DPP6: variants seen among roughly 807,000 people sequenced by gnomAD.
The protein encoded by DPP6 is A-type potassium channel modulatory protein DPP6.
In DPP6, 69 loss-of-function variants were observed where a neutral mutation model predicts 122.6. The observed-to-expected ratio is 0.56, with a 90% CI of 0.46 to 0.69. The LOEUF is 0.69. DPP6 is among the 30% of genes least tolerant of loss of function. DPP6 has a pLI of 0.00. For synonymous variants in DPP6, 418 were observed against 433.1 expected (o/e 0.97, Z 0.43); for missense variants, 928 against 1,116.9 (o/e 0.83, Z 2.41).
intron 1 of DPP6, among the ~76,000 whole-genome samples, chr7:154,115,476 G>T (rs533843558): frequency 6.6e-6 from 1 of 152,296 alleles, no homozygotes; most frequent in East Asian, 1.9e-4. Context: ...TCAGAGATTT[G>T]CTCTGAGGTG....
exon 1 of DPP6, chr7:153,887,430 C>T: frequency 2.3e-6 from 1 of 438,802 alleles, no homozygotes; most frequent in Non-Finnish European, 4.1e-6. Context: ...ACCCACCCTC[C>T]ATCCAGGCTT....
At chr7:153,887,417 A>G in exon 1 of DPP6, 1 of 391,160 alleles carries the variant, frequency 2.6e-6, no homozygotes, top group East Asian at 4.1e-5. Context: ...TGTTTAAAGC[A>G]ACACCCACCC....
intron 1 of DPP6, among the ~76,000 whole-genome samples, chr7:154,329,173 T>C (rs564159676): frequency 3.0e-4 from 45 of 152,340 alleles, no homozygotes; most frequent in African/African-American, 9.6e-4. Context: ...AAAGCTCCGG[T>C]GTACACATTT....
At chr7:154,834,482 AAAACAAAAAC>A (rs375083948) in intron 16 of DPP6, among the ~76,000 whole-genome samples, 3,315 of 12,958 alleles carry the variant, frequency 0.26, 109 homozygotes, top group African/African-American at 0.35. Flanking sequence ...ATCTCAAAGA[AAAACAAAAAC>A]AAAAACAAAA....
intron 1 of DPP6, among the ~76,000 whole-genome samples, chr7:153,974,587 G>A (rs983021402): frequency 6.6e-6 from 1 of 152,208 alleles, no homozygotes; most frequent in South Asian, 2.1e-4. Flanking sequence ...TAACTTAAGC[G>A]AGAAAATCTT....
rs1020503326 is a variant in DPP6, at chr7:154,456,766, T to G, written c.358+10438T>G. 4.2e-4 allele frequency among the ~76,000 whole-genome samples: 8 copies of G among 19,184 alleles called. 3 individuals are homozygous for G. The highest frequency in any genetic ancestry group is 9.2e-4 in the Non-Finnish European group (8 of 8,714). The allele number at this position is 19,184 out of a possible 152,430, so 12.6% of individuals were successfully genotyped here. On this transcript the variant is annotated intron_variant, in intron 2 of 25. Coordinates refer to ENST00000377770, the MANE Select transcript of DPP6 (RefSeq NM_130797.4). ...AATGCTTGTGATTTTTGTACATTGATTTTGTATCCTGAGACTTTGCTGAAG... is the reference window on the plus strand; with the variant it reads ...AATGCTTGTGATTTTTGTACATTGAGTTTGTATCCTGAGACTTTGCTGAAG...
At chr7:154,036,337 T>C (rs374417259) in intron 1 of DPP6, among the ~76,000 whole-genome samples, 4,624 of 147,594 alleles carry the variant, frequency 0.031, 113 homozygotes, top group East Asian at 0.047. Context: ...GCCAGGCTGG[T>C]CTCGAACTCC....
At chr7:154,593,636 C>A (rs569569109) in intron 5 of DPP6, among the ~76,000 whole-genome samples, 2 of 152,206 alleles carry the variant, frequency 1.3e-5, no homozygotes, top group Non-Finnish European at 2.9e-5. Flanking sequence ...CTCAGAAGAA[C>A]GGGCTGCAGC....
intron 10 of DPP6, among the ~76,000 whole-genome samples, chr7:154,789,634 G>A (rs117484360): frequency 2.0e-5 from 3 of 152,330 alleles, no homozygotes; most frequent in African/African-American, 4.8e-5. Flanking sequence ...AGGCACCACT[G>A]CTTGCTGGAG....
chr7:154,060,067 CT>C (rs1287034825), intron 1 of DPP6, among the ~76,000 whole-genome samples: 22 of 150,580 alleles, frequency 1.5e-4, no homozygotes, highest in Admixed American at 4.6e-4. Context: ...TCTTCCCCCC[CT>C]GGCTCTTGGG....
At chr7:154,394,253 C>CTGTT (rs962708918) in intron 1 of DPP6, among the ~76,000 whole-genome samples, 17 of 152,194 alleles carry the variant, frequency 1.1e-4, no homozygotes, top group Non-Finnish European at 2.2e-4. Context: ...AACTTATTTT[C>CTGTT]TGTTTGTTTG....
chr7:154,543,916 C>A (rs1314716411), intron 4 of DPP6, among the ~76,000 whole-genome samples: 4 of 149,030 alleles, frequency 2.7e-5, no homozygotes, highest in Non-Finnish European at 4.4e-5. Flanking sequence ...AACGCTTGAA[C>A]CTGAGAGTTG....
At chr7:154,399,217 C>T (rs1280346326) in intron 1 of DPP6, among the ~76,000 whole-genome samples, 1 of 152,134 alleles carries the variant, frequency 6.6e-6, no homozygotes, top group Non-Finnish European at 1.5e-5. Flanking sequence ...AGGGAAGGTT[C>T]CCCTCTCCAA....
At chr7:154,615,898 T>A (rs1834220584) in intron 5 of DPP6, among the ~76,000 whole-genome samples, 1 of 152,206 alleles carries the variant, frequency 6.6e-6, no homozygotes, top group Non-Finnish European at 1.5e-5. Flanking sequence ...CGCTTCCCAC[T>A]CTTCCCAGCC....
intron 8 of DPP6, among the ~76,000 whole-genome samples, chr7:154,756,068 G>A (rs1459948733): frequency 1.3e-5 from 2 of 152,248 alleles, no homozygotes; most frequent in Non-Finnish European, 2.9e-5. Context: ...TGGCAGGACA[G>A]CGGTCATCTG....
At chr7:154,419,349 G>C (rs1817269315) in intron 1 of DPP6, among the ~76,000 whole-genome samples, 1 of 152,216 alleles carries the variant, frequency 6.6e-6, no homozygotes, top group Non-Finnish European at 1.5e-5. Flanking sequence ...TTTACAGATA[G>C]TCATCCTTCC....
At chr7:154,369,467 C>A (rs1012938943) in intron 1 of DPP6, among the ~76,000 whole-genome samples, 2 of 152,066 alleles carry the variant, frequency 1.3e-5, no homozygotes, top group Non-Finnish European at 2.9e-5. Flanking sequence ...CTCCTGGGTT[C>A]AAGCGATTCT....
At chr7:154,494,693 A>C (rs1190942422) in intron 3 of DPP6, among the ~76,000 whole-genome samples, 3 of 152,156 alleles carry the variant, frequency 2.0e-5, no homozygotes, top group Non-Finnish European at 4.4e-5. Flanking sequence ...TCTTTTCTGC[A>C]AGAGAAAAGA....
At chr7:154,351,319 A>T (rs1810836309) in intron 1 of DPP6, among the ~76,000 whole-genome samples, 1 of 151,822 alleles carries the variant, frequency 6.6e-6, no homozygotes, top group African/African-American at 2.4e-5. Context: ...TTCACTGATC[A>T]CCCCATTTTC....
Sources: allele counts gnomAD v4.1 joint callset (sites outside exome capture counted in the v4.1 genomes callset), GRCh38; gene constraint gnomAD v4.1.1; transcripts MANE v1.5; gene names NCBI Gene and HGNC (gene_info 2026-07-23, HGNC 2026-07-21).